The following ADAMTS18 variants were observed in gnomAD, a reference collection of about 807,000 sequenced individuals.
The protein encoded by ADAMTS18 is A disintegrin and metalloproteinase with thrombospondin motifs 18.
ADAMTS18 carries 157 observed loss-of-function variants against 165.9 expected under a neutral mutation model. The ratio of observed to expected loss-of-function variants is 0.95; its 90% CI spans 0.83 to 1.08. The LOEUF (loss-of-function observed/expected upper bound fraction) is 1.08. Ranked by LOEUF, ADAMTS18 falls within the 50% of genes least tolerant of loss-of-function variation. The pLI is 0.00. For synonymous variants in ADAMTS18, 782 were observed against 578.2 expected (o/e 1.35, Z -5.06); for missense variants, 2,040 against 1,534.0 (o/e 1.33, Z -5.51).
At chr16:77,403,500 T>A (rs116021532) in intron 3 of ADAMTS18, among the ~76,000 whole-genome samples, 1,535 of 152,172 alleles carry the variant, frequency 0.01, 26 homozygotes, top group African/African-American at 0.034. Flanking sequence ...AGATAGAAAA[T>A]CAGAGAATGG....
At chr16:77,287,094 G>A (rs1257931504) in intron 22 of ADAMTS18, among the ~76,000 whole-genome samples, 1 of 152,124 alleles carries the variant, frequency 6.6e-6, no homozygotes, top group Non-Finnish European at 1.5e-5. Flanking sequence ...CTAGGGTCTA[G>A]TTTAAGTGAC....
chr16:77,424,393 G>A (rs141025981), intron 3 of ADAMTS18, among the ~76,000 whole-genome samples: 2,407 of 151,954 alleles, frequency 0.016, 62 homozygotes, highest in African/African-American at 0.055. Context: ...GCTCGAACCC[G>A]TGAGGCAGAG....
intron 22 of ADAMTS18, among the ~76,000 whole-genome samples, chr16:77,285,620 G>A (rs2055234997): frequency 6.6e-6 from 1 of 152,132 alleles, no homozygotes; most frequent in Non-Finnish European, 1.5e-5. Flanking sequence ...ATGTAAGTAA[G>A]TCAGGCAGGA....
chr16:77,370,561 C>A (rs760728852), intron 3 of ADAMTS18, among the ~76,000 whole-genome samples: 1 of 152,012 alleles, frequency 6.6e-6, no homozygotes, highest in African/African-American at 2.4e-5. Context: ...ACCAGCCTGG[C>A]CAACATGGTG....
rs538744343 is a variant in ADAMTS18, at chr16:77,422,326, A to G, written c.495+8969T>C. Among the ~76,000 whole-genome samples, 204 of 152,122 alleles carry G rather than the reference A, an allele frequency of 1.3e-3. 1 individual carries two copies. Among genetic ancestry groups the G allele is most frequent in the Middle Eastern group, 0.01 (3 of 294 alleles). On this transcript the variant is annotated intron_variant, in intron 3 of 22. Coordinates refer to ENST00000282849, the MANE Select transcript of ADAMTS18 (RefSeq NM_199355.4). ...GTTATTGCTGAATAAGTCACCGCAG[A>G]TGCCAGGTACCCAAGGAAGTGTTGA...
At chr16:77,388,324 T>C (rs2057138320) in intron 3 of ADAMTS18, among the ~76,000 whole-genome samples, 1 of 152,192 alleles carries the variant, frequency 6.6e-6, no homozygotes, top group Non-Finnish European at 1.5e-5. Context: ...AGGTCTGAAC[T>C]CATGACCTCA....
chr16:77,413,479 G>A (rs11861643), intron 3 of ADAMTS18, among the ~76,000 whole-genome samples: 90,829 of 151,920 alleles, frequency 0.6, 28,059 homozygotes, highest in Middle Eastern at 0.73. Context: ...TAGAAATACA[G>A]GTTAACTAAA....
At chr16:77,416,728 A>T (rs1199717180) in intron 3 of ADAMTS18, among the ~76,000 whole-genome samples, 6 of 152,180 alleles carry the variant, frequency 3.9e-5, no homozygotes, top group African/African-American at 1.4e-4. Flanking sequence ...TACTATGCTC[A>T]ATGTAAAGCC....
intron 6 of ADAMTS18, among the ~76,000 whole-genome samples, chr16:77,362,722 A>G (rs2056733990): frequency 6.6e-6 from 1 of 152,242 alleles, no homozygotes. Context: ...CTGAATGAAT[A>G]AACAAATGAT....
At chr16:77,386,681 T>C (rs997061963) in intron 3 of ADAMTS18, among the ~76,000 whole-genome samples, 10 of 152,186 alleles carry the variant, frequency 6.6e-5, no homozygotes, top group African/African-American at 2.4e-4. Flanking sequence ...GCATTTCTTA[T>C]GCAAAAGTCA....
intron 12 of ADAMTS18, among the ~76,000 whole-genome samples, chr16:77,332,903 T>C (rs1419389875): frequency 6.6e-6 from 1 of 152,142 alleles, no homozygotes; most frequent in Non-Finnish European, 1.5e-5. Flanking sequence ...ACATCAGCAT[T>C]TTTCCGTATT....
chr16:77,431,255 C>T (rs780840312), intron 3 of ADAMTS18, 40 bp downstream of exon 3: 2 of 1,611,332 alleles, frequency 1.2e-6, no homozygotes, highest in South Asian at 2.2e-5. Flanking sequence ...TTACACAAAA[C>T]ACGAAAGAGG....
rs2055562361 is a variant in ADAMTS18 at position 77,300,516 on chromosome 16, T to C, written c.2533-112A>G. The C allele has an allele frequency of 9.0e-6, 11 of 1,218,086 alleles. No individual in the cohort carries two copies. The Admixed American group carries it at 1.9e-4, about 21-fold the overall frequency. 75.5% of individuals were successfully genotyped at this position (1,218,086 alleles called of 1,614,324 possible). ...TTACATGACATTTTGACCTTAACAT[T>C]GGTATACTTCATTGTTCCCAAGTAT... On this transcript the variant is annotated intron_variant, in intron 16 of 22. Transcript: ENST00000282849.
At chr16:77,313,950 G>C (rs907159647) in intron 16 of ADAMTS18, among the ~76,000 whole-genome samples, 2 of 152,188 alleles carry the variant, frequency 1.3e-5, no homozygotes, top group Non-Finnish European at 2.9e-5. Context: ...CTATGCCTTA[G>C]GTTTAATTAA....
chr16:77,287,876 C>A (rs961853420), intron 22 of ADAMTS18, among the ~76,000 whole-genome samples: 2 of 152,156 alleles, frequency 1.3e-5, no homozygotes, highest in African/African-American at 4.8e-5. Flanking sequence ...GAATATTCCA[C>A]CACTTATTTG....
At chr16:77,409,328 A>G (rs1167350867) in intron 3 of ADAMTS18, among the ~76,000 whole-genome samples, 2 of 152,212 alleles carry the variant, frequency 1.3e-5, no homozygotes, top group East Asian at 3.9e-4. Context: ...AAACCTTTAG[A>G]CTAAAGCTAC....
At chr16:77,317,509 T>C (rs1244524779) in intron 16 of ADAMTS18, among the ~76,000 whole-genome samples, 1 of 152,166 alleles carries the variant, frequency 6.6e-6, no homozygotes, top group Non-Finnish European at 1.5e-5. Flanking sequence ...AATTTTTGTA[T>C]TTTTAGTAGA....
intron 3 of ADAMTS18, among the ~76,000 whole-genome samples, chr16:77,400,136 G>T (rs2057306668): frequency 6.6e-6 from 1 of 152,104 alleles, no homozygotes; most frequent in Non-Finnish European, 1.5e-5. Flanking sequence ...CCAATTTGGG[G>T]TCTCATAGAA....
intron 3 of ADAMTS18, among the ~76,000 whole-genome samples, chr16:77,412,171 G>A (rs1183277318): frequency 6.6e-6 from 1 of 152,104 alleles, no homozygotes; most frequent in African/African-American, 2.4e-5. Context: ...GAGTAAGGAA[G>A]AATCCCTCTG....
Sources: gnomAD v4.1 joint callset for allele counts (sites outside exome capture counted in the v4.1 genomes callset) on GRCh38, gnomAD v4.1.1 for gene constraint, MANE v1.5 for transcripts, NCBI Gene and HGNC (gene_info 2026-07-23, HGNC 2026-07-21) for gene names.